Variants in CCDC148 observed in about 807,000 individuals in gnomAD.
CCDC148 encodes coiled-coil domain containing 148, also known as coiled-coil domain-containing protein 148.
Under a neutral mutation model 85.7 loss-of-function variants are expected in CCDC148, and 89 were observed. The ratio of observed to expected loss-of-function variants is 1.04; its 90% CI spans 0.87 to 1.24. CCDC148 has a LOEUF of 1.24. Ranked by LOEUF, CCDC148 falls within the 50% of genes most tolerant of loss-of-function variation. CCDC148 has a pLI of 0.00. For synonymous variants in CCDC148, 230 were observed against 213.9 expected (o/e 1.08, Z -0.66); for missense variants, 692 against 671.7 (o/e 1.03, Z -0.33).
At chr2:158,282,971 G>T (rs1372162246) in intron 9 of CCDC148, among the ~76,000 whole-genome samples, 1 of 152,064 alleles carries the variant, frequency 6.6e-6, no homozygotes, top group African/African-American at 2.4e-5. Flanking sequence ...CGGAAATAAC[G>T]CTGCATATCT....
chr2:158,429,118 A>T (rs1687210997), intron 1 of CCDC148, among the ~76,000 whole-genome samples: 1 of 148,594 alleles, frequency 6.7e-6, no homozygotes. Flanking sequence ...GGGGAACATC[A>T]CACAGTGGGG....
At chr2:158,238,980 A>C (rs1688231002) in intron 10 of CCDC148, among the ~76,000 whole-genome samples, 1 of 152,188 alleles carries the variant, frequency 6.6e-6, no homozygotes, top group East Asian at 1.9e-4. Context: ...TGTTCATGTG[A>C]CTTTGGGGAA....
chr2:158,382,758 CAAA>C (rs10708736), intron 1 of CCDC148, among the ~76,000 whole-genome samples: 2 of 144,976 alleles, frequency 1.4e-5, no homozygotes, highest in African/African-American at 5.1e-5. Flanking sequence ...ACTAAAAATA[CAAA>C]AAAAAAAAAA....
chr2:158,425,336 T>G, intron 1 of CCDC148: 1 of 509,028 alleles, frequency 2.0e-6, no homozygotes, highest in East Asian at 5.0e-5. Flanking sequence ...CAGGAGATGA[T>G]GCTAAAATAA....
intron 1 of CCDC148, among the ~76,000 whole-genome samples, chr2:158,441,046 C>T (rs752732014): frequency 1.1e-4 from 16 of 152,024 alleles, no homozygotes; most frequent in South Asian, 6.2e-4. Context: ...CACAGTGAGA[C>T]CCTGTCTCTT....
In CCDC148 at chr2:158,399,885, C is replaced by T. The variant is rs565410078; in HGVS notation, c.26-41315G>A. The stretch of plus-strand genomic sequence containing the variant: ...GTATATTTGCAAAACCCCATCATAT[C>T]ACAAGCATTCCTATACACAACATAC... On this transcript the variant is annotated intron_variant, in intron 1 of 13. Transcript: ENST00000283233. Among the ~76,000 whole-genome samples the T allele has an allele frequency of 2.6e-5, 4 of 152,174 alleles. No individual in the cohort carries two copies. The South Asian group carries it at 8.3e-4, about 32-fold the overall frequency.
chr2:158,436,047 T>A (rs1470383302), intron 1 of CCDC148, among the ~76,000 whole-genome samples: 3 of 152,160 alleles, frequency 2.0e-5, no homozygotes, highest in Non-Finnish European at 4.4e-5. Flanking sequence ...AACACCCCAC[T>A]GTCAACATCA....
intron 11 of CCDC148, among the ~76,000 whole-genome samples, chr2:158,202,578 T>G (rs1686023441): frequency 6.6e-6 from 1 of 152,188 alleles, no homozygotes; most frequent in Non-Finnish European, 1.5e-5. Context: ...ATAATAAATA[T>G]TTCAGGCCTG....
intron 9 of CCDC148, among the ~76,000 whole-genome samples, chr2:158,307,205 A>C (rs937351182): frequency 6.6e-6 from 1 of 152,110 alleles, no homozygotes; most frequent in South Asian, 2.1e-4. Flanking sequence ...AGAATATATA[A>C]AGAACATACA....
chr2:158,198,400 A>G (rs1486633137), intron 11 of CCDC148, among the ~76,000 whole-genome samples: 1 of 152,218 alleles, frequency 6.6e-6, no homozygotes, highest in African/African-American at 2.4e-5. Flanking sequence ...GATTTTAAAT[A>G]ATAGTATCAC....
At chr2:158,197,683 T>G (rs902386632) in intron 11 of CCDC148, among the ~76,000 whole-genome samples, 4 of 152,166 alleles carry the variant, frequency 2.6e-5, no homozygotes, top group Admixed American at 6.6e-5. Flanking sequence ...TTGAACCAAT[T>G]TATGTATTAA....
chr2:158,284,984 A>G (rs62182654), intron 9 of CCDC148, among the ~76,000 whole-genome samples: 8,952 of 152,226 alleles, frequency 0.059, 365 homozygotes, highest in Non-Finnish European at 0.082. Context: ...CTGATAACTG[A>G]TATTAAGAAT....
intron 1 of CCDC148, among the ~76,000 whole-genome samples, chr2:158,388,441 G>A (rs1479321228): frequency 6.6e-6 from 1 of 151,954 alleles, no homozygotes; most frequent in Non-Finnish European, 1.5e-5. Flanking sequence ...TAACACCCTT[G>A]GCAAGTTCCT....
chr2:158,406,594 A>G (rs1686008841), intron 1 of CCDC148, among the ~76,000 whole-genome samples: 1 of 87,214 alleles, frequency 1.1e-5, no homozygotes. Context: ...GGTTACAGCC[A>G]GTTAAACAGA....
chr2:158,407,920 C>A (rs749764934), intron 1 of CCDC148, among the ~76,000 whole-genome samples: 3 of 152,126 alleles, frequency 2.0e-5, no homozygotes, highest in Non-Finnish European at 4.4e-5. Context: ...CTCTAAGTAA[C>A]TGATAAAATT....
intron 7 of CCDC148, among the ~76,000 whole-genome samples, chr2:158,336,190 T>C (rs886936961): frequency 2.6e-4 from 39 of 152,280 alleles, no homozygotes; most frequent in African/African-American, 9.4e-4. Flanking sequence ...GTACAAATAA[T>C]GTTATGATTG....
intron 1 of CCDC148, among the ~76,000 whole-genome samples, chr2:158,432,930 C>G (rs1687422267): frequency 6.6e-6 from 1 of 151,106 alleles, no homozygotes; most frequent in Non-Finnish European, 1.5e-5. Flanking sequence ...AAATCATACA[C>G]AAAAATTAAC....
At chr2:158,307,225 G>GA (rs990270147) in intron 9 of CCDC148, among the ~76,000 whole-genome samples, 10 of 151,534 alleles carry the variant, frequency 6.6e-5, no homozygotes, top group East Asian at 1.9e-4. Context: ...AAATAAGTAA[G>GA]AAAAAAAAGC....
chr2:158,255,329 G>GT (rs1688968667), intron 9 of CCDC148, among the ~76,000 whole-genome samples: 1 of 151,644 alleles, frequency 6.6e-6, no homozygotes, highest in East Asian at 1.9e-4. Flanking sequence ...AGGAAAGAAG[G>GT]TTGTTGGAAG....
Sources: gnomAD v4.1 joint callset for allele counts (sites outside exome capture counted in the v4.1 genomes callset) on GRCh38, gnomAD v4.1.1 for gene constraint, MANE v1.5 for transcripts, NCBI Gene and HGNC (gene_info 2026-07-23, HGNC 2026-07-21) for gene names.